CDYL: variants seen among roughly 807,000 people sequenced by gnomAD.
CDYL encodes chromodomain Y-like protein.
Under a neutral mutation model 47.3 loss-of-function variants are expected in CDYL, and 8 were observed. The ratio of observed to expected loss-of-function variants is 0.17; its 90% confidence interval spans 0.10 to 0.31. CDYL has a LOEUF of 0.31. CDYL is among the 10% of genes least tolerant of loss of function. The probability of loss-of-function intolerance (pLI) is 1.00; values close to 1 mark genes in which losing one functional copy is unlikely to be tolerated. For synonymous variants in CDYL, 266 were observed against 265.0 expected (o/e 1.00, Z -0.04); for missense variants, 471 against 701.4 (o/e 0.67, Z 3.71).
chr6:4,878,215 T>A (rs996425021), intron 1 of CDYL, among the ~76,000 whole-genome samples: 1 of 152,256 alleles, frequency 6.6e-6, no homozygotes, highest in East Asian at 1.9e-4. Flanking sequence ...TTACTGTTTT[T>A]ATCTACCTCT....
chr6:4,788,346 G>C (rs540988876), intron 1 of CDYL, among the ~76,000 whole-genome samples: 1 of 151,998 alleles, frequency 6.6e-6, no homozygotes, highest in South Asian at 2.1e-4. Context: ...ATTTAGCCAA[G>C]TGTGGTGGTG....
At chr6:4,950,178 AAAAT>A (rs1758653686) in intron 5 of CDYL, among the ~76,000 whole-genome samples, 1 of 152,210 alleles carries the variant, frequency 6.6e-6, no homozygotes, top group African/African-American at 2.4e-5. Flanking sequence ...CAGGTGGCAG[AAAAT>A]AAAGTTGGAA....
In CDYL at chr6:4,747,324, T is replaced by A. The variant is rs995686513; in HGVS notation, c.186+12480T>A. 3.4e-4 allele frequency among the ~76,000 whole-genome samples: 40 copies of A among 119,070 alleles called. 1 individual carries two copies. Among genetic ancestry groups the A allele is most frequent in the South Asian group, 8.2e-4 (3 of 3,668 alleles). The allele number at this position is 119,070 out of a possible 152,430, so 78.1% of individuals were successfully genotyped here. Reference sequence around the variant, plus strand: ...TTCATCTCAAAAAAAAAAAAAAAAATCATGGGCATTAATGCATTATTACCC... The same window carrying A: ...TTCATCTCAAAAAAAAAAAAAAAAAACATGGGCATTAATGCATTATTACCC... On this transcript the variant is annotated intron_variant, in intron 3 of 8. Transcript: ENST00000328908.
intron 1 of CDYL, among the ~76,000 whole-genome samples, chr6:4,784,698 A>T (rs1421649871): frequency 6.6e-6 from 1 of 152,126 alleles, no homozygotes; most frequent in East Asian, 1.9e-4. Flanking sequence ...TTTTTACTGT[A>T]CCTTTTCTAT....
At chr6:4,844,293 C>G (rs1469059865) in intron 1 of CDYL, among the ~76,000 whole-genome samples, 1 of 152,178 alleles carries the variant, frequency 6.6e-6, no homozygotes, top group Non-Finnish European at 1.5e-5. Context: ...GTAGGTGGCG[C>G]TGTCAAGAGA....
At chr6:4,761,245 T>A (rs1365174897) in intron 3 of CDYL, among the ~76,000 whole-genome samples, 3 of 152,180 alleles carry the variant, frequency 2.0e-5, no homozygotes, top group Non-Finnish European at 4.4e-5. Context: ...TTTAAACATA[T>A]CCTTTCAAAG....
In CDYL at chr6:4,927,428, CGTGTGT is replaced by C. The variant is rs35317751; in HGVS notation, c.692-8060_692-8055del. 6.5e-3 allele frequency among the ~76,000 whole-genome samples: 933 copies of C among 142,536 alleles called. 6 individuals are homozygous for C. The highest frequency in any genetic ancestry group is 0.031 in the Middle Eastern group (9 of 286). The allele number at this position is 142,536 out of a possible 152,430, so 93.5% of individuals were successfully genotyped here. On this transcript the variant is annotated intron_variant, in intron 2 of 6. Transcript: ENST00000397588. Reference sequence around the variant, plus strand: ...CATTCCATCATTCGAATTTACTGTACGTGTGTGTGTGTGTGTGTGTGTGTGTGTGTG... The same window carrying C: ...CATTCCATCATTCGAATTTACTGTACGTGTGTGTGTGTGTGTGTGTGTGTG...
chr6:4,857,554 G>C (rs1342884966), intron 1 of CDYL, among the ~76,000 whole-genome samples: 3 of 152,170 alleles, frequency 2.0e-5, no homozygotes, highest in African/African-American at 7.2e-5. Flanking sequence ...GTAGGCCTTT[G>C]AAGTCCCTTC....
At chr6:4,950,694 C>T (rs1471637330) in intron 5 of CDYL, among the ~76,000 whole-genome samples, 1 of 152,052 alleles carries the variant, frequency 6.6e-6, no homozygotes, top group Admixed American at 6.6e-5. Context: ...TTTGGGAGGC[C>T]CAGGCGGGCG....
chr6:4,797,811 A>G lies in CDYL; in HGVS notation c.24+21004A>G, dbSNP rs190263732. ...TACCCCATTTTGTGGATACACTGTGACTTGTTTATCCATTCGTCACTTGGT... is the reference window on the plus strand; with the variant it reads ...TACCCCATTTTGTGGATACACTGTGGCTTGTTTATCCATTCGTCACTTGGT... On this transcript the variant is annotated intron_variant, in intron 1 of 6. Coordinates refer to ENST00000397588, the MANE Select transcript of CDYL (RefSeq NM_004824.4). Among the ~76,000 whole-genome samples the G allele has an allele frequency of 1.1e-4, 17 of 152,202 alleles. No homozygotes were observed. In the East Asian group the frequency reaches 3.3e-3, roughly 29 times the overall value.
At chr6:4,758,351 A>AATAAATAAATATATATAT (rs1554134097) in intron 3 of CDYL, among the ~76,000 whole-genome samples, 13 of 129,074 alleles carry the variant, frequency 1.0e-4, no homozygotes, top group Non-Finnish European at 1.7e-4. Flanking sequence ...AAAATAAATA[A>AATAAATAAATATATATAT]ATATATATAT....
chr6:4,888,835 T>C (rs1480078438), intron 1 of CDYL, among the ~76,000 whole-genome samples: 3 of 152,210 alleles, frequency 2.0e-5, no homozygotes, highest in African/African-American at 4.8e-5. Context: ...TTGAGACATT[T>C]TGGGGGGAGG....
At chr6:4,747,032 G>A (rs928724016) in intron 3 of CDYL, among the ~76,000 whole-genome samples, 11 of 152,174 alleles carry the variant, frequency 7.2e-5, no homozygotes, top group Non-Finnish European at 1.5e-5. Flanking sequence ...GCATTGGTCA[G>A]GCACAGTGGC....
Position 4,943,618 on chromosome 6 carries a change from A to G in CDYL, c.1194A>G (p.Leu398=), listed in dbSNP as rs1758426118. 1 of 1,614,070 alleles carries G rather than the reference A, an allele frequency of 6.2e-7. No homozygotes were observed. Among genetic ancestry groups the G allele is most frequent in the East Asian group, 2.2e-5 (1 of 44,882 alleles). Residue 398 remains leucine (L), a synonymous_variant, in exon 5 of 7, where the codon CTA becomes CTG. Transcript: ENST00000397588. Reference sequence around the variant, plus strand: ...CAGTCAATGGCCCAGCCATTGGTCTAGGAGCATCTATATTGCCTCTTTGCG... The same window carrying G: ...CAGTCAATGGCCCAGCCATTGGTCTGGGAGCATCTATATTGCCTCTTTGCG... The part of the protein sequence containing the change: ...IVAVNGPAIG[L]GASILPLCDV...
intron 1 of CDYL, among the ~76,000 whole-genome samples, chr6:4,713,486 G>A (rs77374931): frequency 1.0e-3 from 152 of 152,166 alleles, no homozygotes; most frequent in East Asian, 4.1e-3. Flanking sequence ...AAGACAACTC[G>A]ACTCTATCTG....
At chr6:4,883,507 C>T (rs146687801) in intron 1 of CDYL, among the ~76,000 whole-genome samples, 1 of 152,216 alleles carries the variant, frequency 6.6e-6, no homozygotes, top group Non-Finnish European at 1.5e-5. Context: ...GCACCTCTGG[C>T]TGTCTGCCCA....
At chr6:4,800,582 C>G (rs1363350796) in intron 1 of CDYL, among the ~76,000 whole-genome samples, 1 of 152,100 alleles carries the variant, frequency 6.6e-6, no homozygotes, top group Non-Finnish European at 1.5e-5. Flanking sequence ...TCCATTTGGA[C>G]TAGAGATCTT....
Position 4,892,221 on chromosome 6 carries a change from C to G in CDYL, c.533C>G (p.Ala178Gly). 6.2e-7 allele frequency: 1 copy of G among 1,614,214 alleles called. No homozygotes were observed. Among genetic ancestry groups the G allele is most frequent in the Non-Finnish European group, 8.5e-7 (1 of 1,180,040 alleles). ...GAGCAGGGTCAGGAGGACACAGTGG[C>G]ACCCGAAGTGGCAGCGGAAAAGCCG... ...PVEQGQEDTV[A>G]PEVAAEKPVG... Residue 178 changes from alanine (A) to glycine (G), a missense_variant, in exon 2 of 7, where the codon GCA becomes GGA. Around this residue, in one of 3 missense-constraint regions of CDYL, gnomAD observed 311 missense variants for 350.0 expected, o/e 0.89. Coordinates refer to ENST00000397588, the MANE Select transcript of CDYL (RefSeq NM_004824.4).
chr6:4,882,374 G>T (rs548606685), intron 1 of CDYL, among the ~76,000 whole-genome samples: 1 of 152,318 alleles, frequency 6.6e-6, no homozygotes, highest in African/African-American at 2.4e-5. Context: ...GCCTGCTAAT[G>T]AGGGGAAATT....
Sources: allele counts gnomAD v4.1 joint callset (sites outside exome capture counted in the v4.1 genomes callset), GRCh38; gene constraint gnomAD v4.1.1; regional missense constraint gnomAD v4.1.1; transcripts MANE v1.5; gene names NCBI Gene and HGNC (gene_info 2026-07-23, HGNC 2026-07-21).